The following STAG2 variants were observed in gnomAD, a reference collection of about 807,000 sequenced individuals.
The protein encoded by STAG2 is cohesin subunit SA-2.
A neutral mutation model predicts 108.1 loss-of-function variants in STAG2; 14 were observed. The observed-to-expected ratio is 0.13, with a 90% CI of 0.09 to 0.20. The LOEUF is 0.20. Ranked by LOEUF, STAG2 falls within the 10% of genes least tolerant of loss-of-function variation. The pLI, the probability that STAG2 is intolerant of heterozygous loss-of-function variation, is 1.00. For synonymous variants in STAG2, 307 were observed against 302.7 expected (o/e 1.01, Z -0.15); for missense variants, 440 against 940.9 (o/e 0.47, Z 6.96).
intron 1 of STAG2, among the ~76,000 whole-genome samples, chrX:123,984,225 G>A (rs372982661): frequency 1.6e-3 from 172 of 109,709 alleles, no homozygotes; most frequent in African/African-American, 5.4e-3. Flanking sequence ...TGATTCGCTG[G>A]CCTCAGCCTC....
chrX:124,095,446 A>T lies in STAG2; in HGVS notation c.3780A>T (p.Glu1260Asp), dbSNP rs201262699. ...TTGATCCAGCTTCAATTATGGATGA[A>T]TCAGTAGGTTTAATTTAAATGTACC... ...DFFDPASIMD[E>D]SVLGVSMF Residue 1260 changes from glutamate to aspartate, a missense_variant, in exon 34 of 35, where the codon GAA (glutamate) becomes GAT (aspartate). By Grantham distance (45) the Glu-to-Asp change is conservative (BLOSUM62 2). Around this residue, in one of 3 missense-constraint regions of STAG2, gnomAD observed 337 missense variants for 649.3 expected, o/e 0.52. Transcript: ENST00000371145. 146 of 1,193,172 alleles carry T rather than the reference A, an allele frequency of 1.2e-4. No homozygotes were observed. The highest frequency in any genetic ancestry group is 1.3e-4 in the Non-Finnish European group (113 of 879,864).
rs773646989 is a variant in STAG2 at position 123,992,454 on chromosome X, T to C, written c.-162-28913T>C. The stretch of plus-strand genomic sequence containing the variant: ...TTTTTTTTAAATTTCCGTAGCCTTT[T>C]TACTTTGTGCATTTGAGTCTAAGTT... On this transcript the variant is annotated intron_variant, in intron 1 of 34. Transcript: ENST00000371145. Among the ~76,000 whole-genome samples the C allele has an allele frequency of 2.7e-5, 3 of 110,910 alleles. No homozygotes were observed. In the South Asian group the frequency reaches 1.1e-3, roughly 42 times the overall value.
intron 1 of STAG2, among the ~76,000 whole-genome samples, chrX:124,000,678 C>T (rs2055986087): frequency 9.0e-6 from 1 of 110,926 alleles, no homozygotes. Flanking sequence ...GAGACCCTGT[C>T]TCAAGGGAAA....
At chrX:124,026,141 A>AATAATAATAATG (rs1556498133) in intron 4 of STAG2, among the ~76,000 whole-genome samples, 2 of 103,261 alleles carry the variant, frequency 1.9e-5, no homozygotes, top group African/African-American at 6.9e-5. Context: ...TAATAATAAT[A>AATAATAATAATG]ATAATAATAA....
intron 1 of STAG2, among the ~76,000 whole-genome samples, chrX:123,964,355 T>C (rs1416313103): frequency 2.7e-5 from 3 of 112,591 alleles, no homozygotes; most frequent in Admixed American, 9.4e-5. Context: ...GAATGTGCTC[T>C]ACTTTTAGTT....
intron 1 of STAG2, among the ~76,000 whole-genome samples, chrX:123,991,525 G>T (rs1389896168): frequency 9.2e-6 from 1 of 108,414 alleles, no homozygotes; most frequent in Non-Finnish European, 1.9e-5. Context: ...GCTAATTTTT[G>T]TATTTTTAGT....
At chrX:124,054,531 A>G (rs1260690777) in intron 13 of STAG2, among the ~76,000 whole-genome samples, 4 of 112,144 alleles carry the variant, frequency 3.6e-5, no homozygotes, top group Non-Finnish European at 7.5e-5. Flanking sequence ...TCTGAAATAA[A>G]GTAACAGTAT....
intron 1 of STAG2, among the ~76,000 whole-genome samples, chrX:123,967,256 ATTTTTTTTTT>A (rs1177101640): frequency 3.4e-4 from 17 of 50,230 alleles, no homozygotes; most frequent in South Asian, 1.4e-3. Context: ...TCAATGGTGT[ATTTTTTTTTT>A]TTTTTTTTTT....
intron 8 of STAG2, among the ~76,000 whole-genome samples, chrX:124,045,952 T>C (rs1385584429): frequency 9.0e-6 from 1 of 111,042 alleles, no homozygotes; most frequent in East Asian, 2.8e-4. Flanking sequence ...ATTTTTCTTA[T>C]GTTTCTGGGT....
At chrX:123,991,697 T>C (rs1378725418) in intron 1 of STAG2, among the ~76,000 whole-genome samples, 2 of 89,799 alleles carry the variant, frequency 2.2e-5, no homozygotes, top group African/African-American at 4.3e-5. Context: ...AGAGTTTCGC[T>C]CTTGTTGCCC....
At chrX:124,062,792 C>T in intron 17 of STAG2, 110 bp from the exon 18 acceptor site, 43 of 503,784 alleles carry the variant, frequency 8.5e-5, no homozygotes, top group East Asian at 1.2e-4. Flanking sequence ...TTTTTGTGTC[C>T]ATCTCTTAAA....
At chrX:124,052,304 A>C (rs1307526913) in intron 13 of STAG2, among the ~76,000 whole-genome samples, 3 of 111,748 alleles carry the variant, frequency 2.7e-5, no homozygotes, top group Non-Finnish European at 5.6e-5. Context: ...TTTATTCTGG[A>C]GCTCTGTACC....
chrX:124,078,306 G>A (rs1018955470), intron 27 of STAG2, among the ~76,000 whole-genome samples: 1 of 111,862 alleles, frequency 8.9e-6, no homozygotes, highest in African/African-American at 3.2e-5. Context: ...AATTTATAAT[G>A]TGTATGCCAT....
chrX:124,092,713 T>C (rs2059282774), intron 32 of STAG2, among the ~76,000 whole-genome samples: 1 of 112,256 alleles, frequency 8.9e-6, no homozygotes. Context: ...TAACTAAAAA[T>C]ACTTCCAAAT....
In STAG2 at chrX:124,090,911, G is replaced by A. The variant is rs1468440083; in HGVS notation, c.3525G>A (p.Gln1175=). The change falls in exon 32 of 35, where the codon CAG becomes CAA. Residue 1175 remains glutamine (Q), a synonymous_variant. Coordinates refer to ENST00000371145, the MANE Select transcript of STAG2 (RefSeq NM_001042750.2). ...QRQQEEARQQ[Q]ERAAMSYVKL... Reference sequence around the variant, plus strand: ...AACAAGAGGAAGCAAGGCAACAGCAGGAGAGAGCAGCAATGAGCTATGTTA... The same window carrying A: ...AACAAGAGGAAGCAAGGCAACAGCAAGAGAGAGCAGCAATGAGCTATGTTA... 8.3e-7 allele frequency: 1 copy of A among 1,211,455 alleles called. No individual in the cohort carries two copies. Among genetic ancestry groups the A allele is most frequent in the Admixed American group, 2.2e-5 (1 of 46,031 alleles).
At position 124,001,765 on chromosome X, in the gene STAG2, C is replaced by T. The variant is rs777827729; in HGVS notation, c.-162-19602C>T. ...GTAAGCCTAGGCTATACCATCCAGGCTTGTGTAAGTACACTCTGTGATATT... is the reference window on the plus strand; with the variant it reads ...GTAAGCCTAGGCTATACCATCCAGGTTTGTGTAAGTACACTCTGTGATATT... On this transcript the variant is annotated intron_variant, in intron 1 of 34. Transcript: ENST00000371145. 5.6e-4 allele frequency among the ~76,000 whole-genome samples: 63 copies of T among 112,045 alleles called. 4 individuals carry two copies. In the South Asian group the frequency reaches 0.02, roughly 35 times the overall value.
At chrX:124,023,275 T>A (rs1244841548) in intron 3 of STAG2, among the ~76,000 whole-genome samples, 2 of 111,653 alleles carry the variant, frequency 1.8e-5, no homozygotes, top group African/African-American at 6.5e-5. Flanking sequence ...AAAGTGAACT[T>A]TTAAATTGCC....
At chrX:124,028,995 A>G (rs1250228123) in intron 4 of STAG2, among the ~76,000 whole-genome samples, 2 of 65,921 alleles carry the variant, frequency 3.0e-5, no homozygotes, top group South Asian at 1.5e-3. Flanking sequence ...TTATATATAT[A>G]TATATATATA....
At chrX:124,014,974 C>CTTTTATTT (rs1224737566) in intron 1 of STAG2, among the ~76,000 whole-genome samples, 1 of 47,661 alleles carries the variant, frequency 2.1e-5, no homozygotes, top group Admixed American at 2.7e-4. Flanking sequence ...GTTTGACGTA[C>CTTTTATTT]TTTTCTTTTT....
Sources: allele counts gnomAD v4.1 joint callset (sites outside exome capture counted in the v4.1 genomes callset), GRCh38; gene constraint gnomAD v4.1.1; regional missense constraint gnomAD v4.1.1; transcripts MANE v1.5; gene names NCBI Gene and HGNC (gene_info 2026-07-23, HGNC 2026-07-21).